Variants in PLCB3 observed in about 807,000 individuals in gnomAD.
PLCB3 encodes phospholipase C beta 3.
Under a neutral mutation model 152.1 loss-of-function variants are expected in PLCB3, and 54 were observed. The observed-to-expected ratio is 0.36, with a 90% CI of 0.29 to 0.45. PLCB3 has a LOEUF of 0.45. Ranked by LOEUF, PLCB3 falls within the 20% of genes least tolerant of loss-of-function variation. The pLI is 1.00. For missense variants in PLCB3, 1,248 were observed against 1,687.5 expected (o/e 0.74, Z 4.56); for synonymous variants, 717 against 698.7 (o/e 1.03, Z -0.41).
Position 64,259,162 on chromosome 11 carries a change from C to T in PLCB3, c.1443C>T (p.Ala481=), listed in dbSNP as rs61755082. ...CCAGCGCAGGTGGCCCAGACAGCGC[C>T]GGGCGCAAGCGGCCCCTGGAGCAGA... ...HRPSAGGPDS[A]GRKRPLEQSN... is the part of the protein sequence containing the mutation. The change falls in exon 13 of 31, where the codon GCC becomes GCT. Residue 481 remains alanine, a synonymous_variant. Transcript: ENST00000279230. 0.039 allele frequency: 62,392 copies of T among 1,604,788 alleles called. 1,442 individuals carry two copies. Among genetic ancestry groups the T allele is most frequent in the Non-Finnish European group, 0.048 (56,209 of 1,176,068 alleles).
In PLCB3 at chr11:64,266,189, G is replaced by A; in HGVS notation, c.3253G>A (p.Glu1085Lys). ...CACAACTCAGTTCAAGAGGCTGAAAGAGATGAACGAGAGGTGAAAGCCGAG... is the reference window on the plus strand; with the variant it reads ...CACAACTCAGTTCAAGAGGCTGAAAAAGATGAACGAGAGGTGAAAGCCGAG... Reference protein sequence around the residue: ...ANTTQFKRLKEMNEREKKELQ... With the variant: ...ANTTQFKRLKKMNEREKKELQ... Residue 1085 changes from glutamate to lysine, a missense_variant, in exon 27 of 31, where the codon GAG (glutamate) becomes AAG (lysine). Around this residue, in one of 6 missense-constraint regions of PLCB3, gnomAD observed 477 missense variants for 489.6 expected, o/e 0.97. Coordinates refer to ENST00000279230, the MANE Select transcript of PLCB3 (RefSeq NM_000932.5). This position sits in a 1 kb window ranked among gnomAD's most constrained non-coding sequence, Gnocchi z 4.9. 4 of 1,614,130 alleles carry A rather than the reference G, an allele frequency of 2.5e-6. No individual in the cohort carries two copies. Among genetic ancestry groups the A allele is most frequent in the Non-Finnish European group, 3.4e-6 (4 of 1,180,018 alleles).
In PLCB3 at chr11:64,256,442, C is replaced by T. The variant is rs192850101; in HGVS notation, c.765C>T (p.Arg255=). 1.1e-4 allele frequency: 174 copies of T among 1,613,724 alleles called. No individual in the cohort carries two copies. The East Asian group carries it at 3.2e-3, about 30-fold the overall frequency. ...TGGACTTCATCAACCAGAAGCAACGCGACCCGAGACTCAACGAAGTGCTGT... is the reference window on the plus strand; with the variant it reads ...TGGACTTCATCAACCAGAAGCAACGTGACCCGAGACTCAACGAAGTGCTGT... The part of the protein sequence containing the change: ...QLMDFINQKQ[R]DPRLNEVLYP... The change falls in exon 9 of 31, where the codon CGC becomes CGT. Residue 255 remains arginine, a synonymous_variant. Transcript: ENST00000279230.
intron 17 of PLCB3, 148 bp downstream of exon 17, chr11:64,262,224 T>A: frequency 7.6e-7 from 1 of 1,322,376 alleles, no homozygotes; most frequent in South Asian, 1.3e-5. Flanking sequence ...CCCCGCCTCC[T>A]GCCCTTGGCT....
chr11:64,251,777 A>G lies in PLCB3; in HGVS notation c.99+29A>G, dbSNP rs2031214272. ...AGCGCGCGGGCCCCTGCTCCGCCCA[A>G]ATCCCGGGACTCTTTCAGTCAAGCT... On this transcript the variant is annotated intron_variant, in intron 1 of 30. Coordinates refer to ENST00000279230, the MANE Select transcript of PLCB3 (RefSeq NM_000932.5). 9 of 1,282,356 alleles carry G rather than the reference A, an allele frequency of 7.0e-6. No individual in the cohort carries two copies. In the South Asian group the frequency reaches 1.5e-4, roughly 22 times the overall value. 79.4% of individuals were successfully genotyped at this position (1,282,356 alleles called of 1,614,324 possible). A position where few individuals can be genotyped will look rare whatever the true frequency, so the allele number is the denominator to read the frequency against.
chr11:64,259,007 C>A, intron 12 of PLCB3, 38 bp downstream of exon 12: 2 of 1,612,954 alleles, frequency 1.2e-6, no homozygotes, highest in East Asian at 2.2e-5. Flanking sequence ...GCATGGGGGC[C>A]AGGGTGCTGC....
intron 10 of PLCB3, 90 bp downstream of exon 10, chr11:64,256,854 ATTT>A: frequency 7.0e-7 from 1 of 1,426,136 alleles, no homozygotes; most frequent in Non-Finnish European, 9.6e-7. Context: ...CTTTTGGCCC[ATTT>A]GCTCATTCAT....
At position 64,257,016 on chromosome 11, in the gene PLCB3, T is replaced by TTTTTC. The variant is rs1555061409; in HGVS notation, c.1012+256_1012+257insCTTTT. On this transcript the variant is annotated intron_variant, in intron 10 of 30. Coordinates refer to ENST00000279230, the MANE Select transcript of PLCB3 (RefSeq NM_000932.5). ...AGGGTCCTTTTTTTTTTTTTTTTTT[T>TTTTTC]TTTTTGAGACAGAGTTTCGCTCTTG... 8.9e-4 allele frequency among the ~76,000 whole-genome samples: 108 copies of TTTTTC among 120,690 alleles called. 7 individuals are homozygous for TTTTTC. The highest frequency in any genetic ancestry group is 2.8e-3 in the African/African-American group (94 of 34,120). 79.2% of individuals were successfully genotyped at this position (120,690 alleles called of 152,430 possible).
Position 64,262,091 on chromosome 11 carries a change from C to G in PLCB3, c.2038+15C>G, listed in dbSNP as rs2031881814. The G allele has an allele frequency of 1.2e-6, 2 of 1,613,834 alleles. No individual in the cohort carries two copies. The highest frequency in any genetic ancestry group is 1.7e-5 in the Admixed American group (1 of 59,988). ...CCAGACCCTCGGTGAGCCCTGGCCCCCTCCATCTTGACCCCGACCCTCAGT... is the reference window on the plus strand; with the variant it reads ...CCAGACCCTCGGTGAGCCCTGGCCCGCTCCATCTTGACCCCGACCCTCAGT... On this transcript the variant is annotated intron_variant, in intron 17 of 30. Coordinates refer to ENST00000279230, the MANE Select transcript of PLCB3 (RefSeq NM_000932.5).
At position 64,255,634 on chromosome 11, in the gene PLCB3, A is replaced by ACT; in HGVS notation, c.597+18_597+19insCT. The ACT allele has an allele frequency of 1.7e-6, 1 of 583,264 alleles. No homozygotes were observed. Among genetic ancestry groups the ACT allele is most frequent in the Non-Finnish European group, 3.1e-6 (1 of 325,590 alleles). 36.1% of individuals were successfully genotyped at this position (583,264 alleles called of 1,614,324 possible). On this transcript the variant is annotated intron_variant, in intron 7 of 30. Coordinates refer to ENST00000279230, the MANE Select transcript of PLCB3 (RefSeq NM_000932.5). The surrounding 1 kb of genome is among the most constrained non-coding windows in gnomAD (Gnocchi z 6.8). ...TCAACCGGGTGTGTGGGGTGGGGAC[A>ACT]GGGGCGGGGTGGGGTGTCACGGTGG... is the stretch of plus-strand genomic sequence containing the variant.
At position 64,256,458 on chromosome 11, in the gene PLCB3, G is replaced by C; in HGVS notation, c.781G>C (p.Glu261Gln). The C allele has an allele frequency of 6.2e-7, 1 of 1,613,798 alleles. No individual in the cohort carries two copies. Among genetic ancestry groups the C allele is most frequent in the Non-Finnish European group, 8.5e-7 (1 of 1,180,010 alleles). The change falls in exon 9 of 31, where the codon GAA becomes CAA. Residue 261 changes from glutamate to glutamine, a missense_variant. By Grantham distance (29) the Glu-to-Gln change is conservative (BLOSUM62 2). This residue lies in a region of PLCB3 where 299 missense variants were observed against 434.7 expected (regional missense o/e 0.69). Coordinates refer to ENST00000279230, the MANE Select transcript of PLCB3 (RefSeq NM_000932.5). ...NQKQRDPRLN[E>Q]VLYPPLRPSQ... Reference sequence around the variant, plus strand: ...GAAGCAACGCGACCCGAGACTCAACGAAGTGCTGTACCCGCCCCTGCGGCC... The same window carrying C: ...GAAGCAACGCGACCCGAGACTCAACCAAGTGCTGTACCCGCCCCTGCGGCC...
Position 64,263,895 on chromosome 11 carries a change from G to T in PLCB3, c.2560+100G>T, listed in dbSNP as rs2031981775. ...GGCCGAGCTGGATGGCCCCGACTGA[G>T]TAGGGAACTGAGTAGGGAACAGATC... On this transcript the variant is annotated intron_variant, in intron 21 of 30. Transcript: ENST00000279230. 2.5e-6 allele frequency: 3 copies of T among 1,195,672 alleles called. No homozygotes were observed. In the South Asian group the frequency reaches 3.8e-5, roughly 15 times the overall value. 74.1% of individuals were successfully genotyped at this position (1,195,672 alleles called of 1,614,324 possible).
chr11:64,258,622 C>G lies in PLCB3; in HGVS notation c.1162C>G (p.Pro388Ala), dbSNP rs759711349. 4 of 1,614,052 alleles carry G rather than the reference C, an allele frequency of 2.5e-6. No individual in the cohort carries two copies. In the South Asian group the frequency reaches 4.4e-5, roughly 18 times the overall value. ...THGFTMTTEVPLRDVLEAIAE... is the reference protein window; with the variant it reads ...THGFTMTTEVALRDVLEAIAE... ...CGGCTTCACCATGACCACAGAGGTG[C>G]CTCTGCGCGACGTGCTGGAGGCCAT... The change falls in exon 11 of 31, where the codon CCT becomes GCT. Residue 388 changes from proline (P) to alanine (A), a missense_variant. Transcript: ENST00000279230. This position sits in a 1 kb window ranked among gnomAD's most constrained non-coding sequence, Gnocchi z 7.2.
At position 64,259,216 on chromosome 11, in the gene PLCB3, G is replaced by C. The variant is rs765311108; in HGVS notation, c.1497G>C (p.Ala499=). 1.9e-6 allele frequency: 3 copies of C among 1,557,940 alleles called. No homozygotes were observed. Among genetic ancestry groups the C allele is most frequent in the South Asian group, 2.3e-5 (2 of 85,856 alleles). Residue 499 remains alanine, a synonymous_variant, in exon 13 of 31, where the codon GCG becomes GCC. Coordinates refer to ENST00000279230, the MANE Select transcript of PLCB3 (RefSeq NM_000932.5). ...ATTCTGCCCTGAGCGAGAGCTCCGC[G>C]GCCACCGAGCCCTCCTCCCCGCAGC... ...QSNSALSESS[A]ATEPSSPQLG...
rs1013047168 is a variant in PLCB3, at chr11:64,255,171, G to A, written c.388-63G>A. The A allele has an allele frequency of 1.3e-5, 20 of 1,534,112 alleles. No homozygotes were observed. The highest frequency in any genetic ancestry group is 1.8e-5 in the Non-Finnish European group (20 of 1,108,912). On this transcript the variant is annotated intron_variant, in intron 4 of 30. Coordinates refer to ENST00000279230, the MANE Select transcript of PLCB3 (RefSeq NM_000932.5). The surrounding 1 kb of genome is among the most constrained non-coding windows in gnomAD (Gnocchi z 6.8). ...GTACCAGAGGCAGTTGTGGACCTGG[G>A]TTGTGGCTGGGCAGCCCCTGTGTCC... is the stretch of plus-strand genomic sequence containing the variant.
In PLCB3 at chr11:64,266,096, G is replaced by T; in HGVS notation, c.3190-30G>T. On this transcript the variant is annotated intron_variant, in intron 26 of 30. Coordinates refer to ENST00000279230, the MANE Select transcript of PLCB3 (RefSeq NM_000932.5). The surrounding 1 kb of genome is among the most constrained non-coding windows in gnomAD (Gnocchi z 4.9). Reference sequence around the variant, plus strand: ...GCTGGATAGACCCGTCGTCAGCCCGGCATCACCTGTCAGCTCCCTGTGTCC... The same window carrying T: ...GCTGGATAGACCCGTCGTCAGCCCGTCATCACCTGTCAGCTCCCTGTGTCC... 1 of 1,613,936 alleles carries T rather than the reference G, an allele frequency of 6.2e-7. No homozygotes were observed. Among genetic ancestry groups the T allele is most frequent in the South Asian group, 1.1e-5 (1 of 91,082 alleles).
At chr11:64,265,862 C>G (rs1487687196) in intron 25 of PLCB3, 24 bp from the exon 26 acceptor site, 1 of 1,609,250 alleles carries the variant, frequency 6.2e-7, no homozygotes, top group South Asian at 1.1e-5. Context: ...GCCCAGGCAT[C>G]ACCCAGAGGG....
At position 64,267,426 on chromosome 11, in the gene PLCB3, T is replaced by TC; in HGVS notation, c.3575_3576insC (p.Glu1194ArgfsTer31). 6.5e-7 allele frequency: 1 copy of TC among 1,545,114 alleles called. No homozygotes were observed. Among genetic ancestry groups the TC allele is most frequent in the East Asian group, 2.4e-5 (1 of 41,320 alleles). Reference sequence around the variant, plus strand: ...CCCCAGGAGATCCGCCGGAGCCTGCTGGGCGAGATGCCGGAGGGGCTGGGG... The same window carrying TC: ...CCCCAGGAGATCCGCCGGAGCCTGCTCGGGCGAGATGCCGGAGGGGCTGGGG... On this transcript the variant is annotated frameshift_variant, in exon 31 of 31. Coordinates refer to ENST00000279230, the MANE Select transcript of PLCB3 (RefSeq NM_000932.5). LOFTEE classifies it high-confidence loss of function. The surrounding 1 kb of genome is among the most constrained non-coding windows in gnomAD (Gnocchi z 5.2).
chr11:64,251,778 A>T (rs1305658648), intron 1 of PLCB3, 30 bp downstream of exon 1: 3 of 1,252,608 alleles, frequency 2.4e-6, no homozygotes, highest in Non-Finnish European at 2.1e-6. Context: ...CTCCGCCCAA[A>T]TCCCGGGACT....
intron 1 of PLCB3, 73 bp downstream of exon 1, chr11:64,251,821 C>T (rs1341365741): frequency 2.1e-5 from 19 of 897,354 alleles, no homozygotes; most frequent in Non-Finnish European, 2.8e-5. Context: ...CGCTGGGGAC[C>T]CCCACCCCAG....
Sources: allele counts gnomAD v4.1 joint callset (sites outside exome capture counted in the v4.1 genomes callset), GRCh38; gene constraint gnomAD v4.1.1; regional missense constraint gnomAD v4.1.1; non-coding constraint Gnocchi (gnomAD v3.1); transcripts MANE v1.5; gene names NCBI Gene and HGNC (gene_info 2026-07-23, HGNC 2026-07-21).